PCSK5: variants seen among roughly 807,000 people sequenced by gnomAD.
PCSK5 encodes the protein prohormone convertase 5.
In PCSK5, 129 loss-of-function variants were observed where a neutral mutation model predicts 233.2. The observed-to-expected ratio is 0.55, with a 90% CI of 0.48 to 0.64. The LOEUF is 0.64. PCSK5 is among the 30% of genes least tolerant of loss of function. PCSK5 has a pLI of 0.00. For synonymous variants in PCSK5, 825 were observed against 879.2 expected, an observed-to-expected ratio of 0.94 and a Z score of 1.09; for missense variants, 2,076 against 2,430.1, an observed-to-expected ratio of 0.85 and a Z score of 3.06.
At chr9:76,170,062 C>T (rs1323675003) in intron 13 of PCSK5, among the ~76,000 whole-genome samples, 1 of 152,208 alleles carries the variant, frequency 6.6e-6, no homozygotes, top group Non-Finnish European at 1.5e-5. Context: ...TAGAACAAAA[C>T]ATGACAGCTT....
intron 7 of PCSK5, among the ~76,000 whole-genome samples, chr9:76,092,673 C>T (rs1012620553): frequency 1.3e-5 from 2 of 152,218 alleles, no homozygotes; most frequent in South Asian, 2.1e-4. Context: ...GTGAGCACTT[C>T]TGAGAGAACC....
chr9:76,244,703 A>G (rs1826533773), intron 24 of PCSK5, among the ~76,000 whole-genome samples: 1 of 151,954 alleles, frequency 6.6e-6, no homozygotes, highest in African/African-American at 2.4e-5. Flanking sequence ...GGACCTAGCT[A>G]TCTGTTATTC....
chr9:76,040,174 T>C (rs570575240), intron 5 of PCSK5, among the ~76,000 whole-genome samples: 21 of 152,312 alleles, frequency 1.4e-4, no homozygotes, highest in African/African-American at 4.6e-4. Context: ...GGACAAAGAC[T>C]GCTCGGTAGT....
chr9:76,146,619 C>A (rs1225705836), intron 10 of PCSK5, among the ~76,000 whole-genome samples: 1 of 151,744 alleles, frequency 6.6e-6, no homozygotes, highest in African/African-American at 2.4e-5. Flanking sequence ...GTGTGGTTGA[C>A]TTGGAAAAGA....
intron 7 of PCSK5, among the ~76,000 whole-genome samples, chr9:76,081,476 C>CAAATAAATAAAT (rs1230704204): frequency 1.9e-3 from 268 of 138,416 alleles, no homozygotes; most frequent in African/African-American, 7.9e-3. Flanking sequence ...AATAAATAAA[C>CAAATAAATAAAT]AAACAAACAA....
chr9:76,109,723 T>TCCA (rs1564031642), intron 9 of PCSK5, among the ~76,000 whole-genome samples: 18 of 152,210 alleles, frequency 1.2e-4, no homozygotes, highest in Non-Finnish European at 2.6e-4. Flanking sequence ...CCAAAATGGA[T>TCCA]GATGAACTAT....
At chr9:76,100,075 T>C (rs2131663706) in intron 8 of PCSK5, among the ~76,000 whole-genome samples, 1 of 152,294 alleles carries the variant, frequency 6.6e-6, no homozygotes, top group East Asian at 1.9e-4. Context: ...CATAAGGAAG[T>C]CCCTGTCCCT....
chr9:76,083,613 G>T (rs746079871), intron 7 of PCSK5, among the ~76,000 whole-genome samples: 8 of 152,196 alleles, frequency 5.3e-5, no homozygotes, highest in African/African-American at 1.9e-4. Flanking sequence ...ATCCATTGGC[G>T]TATGTCTGTT....
intron 25 of PCSK5, 66 bp from the exon 26 acceptor site, chr9:76,295,209 T>C: frequency 2.1e-6 from 3 of 1,422,032 alleles, no homozygotes; most frequent in South Asian, 1.3e-5. Flanking sequence ...CATAAGGAGA[T>C]TAAATTATGG....
chr9:76,110,783 C>A lies in PCSK5; in HGVS notation c.1208+3432C>A, dbSNP rs145208348. 3.3e-3 allele frequency among the ~76,000 whole-genome samples: 498 copies of A among 152,270 alleles called. 3 individuals are homozygous for A. The highest frequency in any genetic ancestry group is 0.024 in the Middle Eastern group (7 of 294). ...GATAAACTTAAAAGTATCCAGATAT[C>A]TTTTCCAAACATAACAAGTTTGATC... On this transcript the variant is annotated intron_variant, in intron 9 of 37. Coordinates refer to ENST00000674117, the MANE Select transcript of PCSK5 (RefSeq NM_001372043.1).
At chr9:76,259,489 T>A (rs1319900311) in intron 24 of PCSK5, among the ~76,000 whole-genome samples, 4 of 121,154 alleles carry the variant, frequency 3.3e-5, no homozygotes, top group African/African-American at 5.8e-5. Flanking sequence ...ACACACACAC[T>A]CACTTCAGTC....
chr9:76,219,534 T>A lies in PCSK5; in HGVS notation c.2627-7969T>A, dbSNP rs118170200. 1.7e-3 allele frequency among the ~76,000 whole-genome samples: 263 copies of A among 152,290 alleles called. 2 individuals are homozygous for A. The highest frequency in any genetic ancestry group is 3.0e-3 in the Non-Finnish European group (202 of 68,008). On this transcript the variant is annotated intron_variant, in intron 20 of 37. Coordinates refer to ENST00000674117, the MANE Select transcript of PCSK5 (RefSeq NM_001372043.1). ...GAGGACTTGGGGCTTTAACTCTCAG[T>A]GCACTAGCACCTCTATGTAGTTCAG...
At chr9:76,109,475 T>C (rs181529685) in intron 9 of PCSK5, among the ~76,000 whole-genome samples, 237 of 151,524 alleles carry the variant, frequency 1.6e-3, no homozygotes, top group African/African-American at 4.1e-3. Context: ...CGATTTAAGC[T>C]GAAATGCAAA....
At chr9:76,100,441 A>C (rs1479129247) in intron 8 of PCSK5, among the ~76,000 whole-genome samples, 1 of 152,254 alleles carries the variant, frequency 6.6e-6, no homozygotes, top group African/African-American at 2.4e-5. Flanking sequence ...ATTCTTGGGA[A>C]ACCCTATGCA....
intron 24 of PCSK5, among the ~76,000 whole-genome samples, chr9:76,260,785 A>T (rs1827147780): frequency 6.6e-6 from 1 of 152,208 alleles, no homozygotes; most frequent in Non-Finnish European, 1.5e-5. Context: ...TTTATGTTTT[A>T]AGCTGCTAAA....
chr9:76,204,106 A>G (rs1005714598), intron 20 of PCSK5, among the ~76,000 whole-genome samples: 1 of 152,168 alleles, frequency 6.6e-6, no homozygotes, highest in African/African-American at 2.4e-5. Flanking sequence ...TTTTTTATTC[A>G]TTGTTGATCC....
intron 35 of PCSK5, among the ~76,000 whole-genome samples, chr9:76,342,598 A>G (rs1829866222): frequency 6.6e-6 from 1 of 152,194 alleles, no homozygotes; most frequent in African/African-American, 2.4e-5. Context: ...GTACATGTGA[A>G]TATAGCCATC....
At chr9:75,930,322 C>T (rs1233410321) in intron 1 of PCSK5, among the ~76,000 whole-genome samples, 1 of 152,026 alleles carries the variant, frequency 6.6e-6, no homozygotes, top group African/African-American at 2.4e-5. Context: ...CAATATCAGC[C>T]AGAGTACAGA....
intron 36 of PCSK5, among the ~76,000 whole-genome samples, chr9:76,353,518 A>G (rs1002678846): frequency 7.9e-5 from 12 of 152,244 alleles, no homozygotes; most frequent in African/African-American, 2.9e-4. Flanking sequence ...TGGTGACATA[A>G]TAGCAAGTGC....
Sources: gnomAD v4.1 joint callset for allele counts (sites outside exome capture counted in the v4.1 genomes callset) on GRCh38, gnomAD v4.1.1 for gene constraint, MANE v1.5 for transcripts, NCBI Gene and HGNC (gene_info 2026-07-23, HGNC 2026-07-21) for gene names.